Variants in DLGAP4 observed in about 807,000 individuals in gnomAD.
DLGAP4 encodes the protein disks large-associated protein 4.
A neutral mutation model predicts 86.9 loss-of-function variants in DLGAP4; 18 were observed. The observed-to-expected ratio is 0.21, with a 90% confidence interval of 0.14 to 0.31. The LOEUF is 0.31. Among genes scored for constraint, DLGAP4 ranks in the 10% least tolerant of loss-of-function variants. The pLI, the probability that DLGAP4 is intolerant of heterozygous loss-of-function variation, is 1.00. For missense variants in DLGAP4, 1,085 were observed against 1,362.6 expected (o/e 0.80, Z 3.21); for synonymous variants, 548 against 574.3 (o/e 0.95, Z 0.65).
chr20:36,336,084 C>G (rs2065318924), intron 1 of DLGAP4, among the ~76,000 whole-genome samples: 1 of 152,184 alleles, frequency 6.6e-6, no homozygotes, highest in Non-Finnish European at 1.5e-5. Context: ...CAGTCCATGC[C>G]CATGGAACAC....
intron 1 of DLGAP4, among the ~76,000 whole-genome samples, chr20:36,322,790 C>T (rs1305966447): frequency 3.9e-5 from 6 of 152,088 alleles, no homozygotes; most frequent in African/African-American, 1.2e-4. Context: ...TAGTATAGCA[C>T]GTGTTGTAGA....
intron 7 of DLGAP4, among the ~76,000 whole-genome samples, chr20:36,449,358 A>G (rs1478776650): frequency 6.6e-6 from 1 of 152,160 alleles, no homozygotes; most frequent in Non-Finnish European, 1.5e-5. Context: ...CACTTAATGT[A>G]TTTGAAAACA....
chr20:36,525,216 C>CAAAAAAAAAAAAAAAAAAAAAAAAA lies in DLGAP4; in HGVS notation c.2605-621_2605-597dup, dbSNP rs1159616185. Among the ~76,000 whole-genome samples the CAAAAAAAAAAAAAAAAAAAAAAAAA allele has an allele frequency of 2.5e-4, 7 of 28,506 alleles. 2 individuals carry two copies. The highest frequency in any genetic ancestry group is 3.1e-4 in the African/African-American group (3 of 9,750). The allele number at this position is 28,506 out of a possible 152,430, so 18.7% of individuals were successfully genotyped here. A position where few individuals can be genotyped will look rare whatever the true frequency, so the allele number is the denominator to read the frequency against. ...TGGGTGACAGAGCGAGACTCCGTCT[C>CAAAAAAAAAAAAAAAAAAAAAAAAA]AAAAAAAAAAAAAAAAAAAAAAAAA... On this transcript the variant is annotated intron_variant, in intron 11 of 12. Transcript: ENST00000339266.
chr20:36,499,557 C>T (rs747248752), intron 8 of DLGAP4, 31 bp from the exon 9 acceptor site: 5 of 1,604,712 alleles, frequency 3.1e-6, no homozygotes, highest in Non-Finnish European at 3.4e-6. Context: ...TCTTTGTCTC[C>T]GTGCCGTTGC....
chr20:36,428,855 C>T (rs1180818029), intron 2 of DLGAP4, among the ~76,000 whole-genome samples: 1 of 152,162 alleles, frequency 6.6e-6, no homozygotes, highest in East Asian at 1.9e-4. Flanking sequence ...AGACACAGTC[C>T]CACTTTGTTG....
intron 10 of DLGAP4, among the ~76,000 whole-genome samples, chr20:36,522,380 G>C (rs1423839373): frequency 6.6e-6 from 1 of 152,050 alleles, no homozygotes; most frequent in African/African-American, 2.4e-5. Context: ...GGCTGGTCTT[G>C]AACTCCTGGG....
intron 2 of DLGAP4, among the ~76,000 whole-genome samples, chr20:36,372,073 G>A (rs2147425132): frequency 6.6e-6 from 1 of 152,298 alleles, no homozygotes; most frequent in Middle Eastern, 3.4e-3. Flanking sequence ...TGTGACCTTG[G>A]GCAAGTCACT....
chr20:36,328,923 G>A (rs1274712173), intron 1 of DLGAP4, among the ~76,000 whole-genome samples: 2 of 152,096 alleles, frequency 1.3e-5, no homozygotes, highest in African/African-American at 4.8e-5. Flanking sequence ...CTACAGGCAT[G>A]CGCCACCATA....
intron 4 of DLGAP4, among the ~76,000 whole-genome samples, 153 bp downstream of exon 4, chr20:36,436,503 T>C (rs1042026112): frequency 1.3e-5 from 2 of 151,814 alleles, no homozygotes; most frequent in East Asian, 2.0e-4. Context: ...GAGTCCTGCT[T>C]CTTGAGAGAA....
At chr20:36,434,979 G>A (rs930923544) in intron 3 of DLGAP4, among the ~76,000 whole-genome samples, 2 of 152,104 alleles carry the variant, frequency 1.3e-5, no homozygotes, top group Admixed American at 6.5e-5. Flanking sequence ...GTAGATACAC[G>A]TTGAGATGTG....
chr20:36,427,850 C>T (rs1400017437), intron 2 of DLGAP4, among the ~76,000 whole-genome samples: 6 of 149,786 alleles, frequency 4.0e-5, no homozygotes, highest in South Asian at 2.1e-4. Context: ...GGCTGAGGCA[C>T]GAGAATCGCT....
intron 2 of DLGAP4, among the ~76,000 whole-genome samples, chr20:36,391,060 C>T (rs1012135145): frequency 6.6e-6 from 1 of 152,166 alleles, no homozygotes; most frequent in Non-Finnish European, 1.5e-5. Context: ...ATAGTTGGGA[C>T]TCCTTCTCCC....
intron 1 of DLGAP4, among the ~76,000 whole-genome samples, chr20:36,315,439 C>T (rs1485075802): frequency 1.6e-3 from 1 of 626 alleles, no homozygotes; most frequent in Non-Finnish European, 3.1e-3. Context: ...AGGCTGGCTG[C>T]GTGGGCTTCA....
rs1228985138 is a variant in DLGAP4 at position 36,494,165 on chromosome 20, C to A, written c.1649-2540C>A. ...GAGTTTTCTCAAGGCCTGAGCAGGACTGGGACATTTCAAACAGACGAGTAG... is the reference window on the plus strand; with the variant it reads ...GAGTTTTCTCAAGGCCTGAGCAGGAATGGGACATTTCAAACAGACGAGTAG... On this transcript the variant is annotated intron_variant, in intron 7 of 12. Coordinates refer to ENST00000339266, the MANE Select transcript of DLGAP4 (RefSeq NM_001365621.2). 2.0e-5 allele frequency among the ~76,000 whole-genome samples: 3 copies of A among 152,302 alleles called. No homozygotes were observed. The East Asian group carries it at 5.8e-4, about 29-fold the overall frequency.
chr20:36,335,766 C>T (rs1456699083), intron 1 of DLGAP4, among the ~76,000 whole-genome samples: 2 of 152,182 alleles, frequency 1.3e-5, no homozygotes, highest in Admixed American at 6.5e-5. Flanking sequence ...ACCTGGACAT[C>T]CTTTTTGACC....
intron 2 of DLGAP4, among the ~76,000 whole-genome samples, chr20:36,390,406 C>T (rs1453365668): frequency 6.6e-6 from 1 of 152,196 alleles, no homozygotes; most frequent in Non-Finnish European, 1.5e-5. Flanking sequence ...CCTTCTGCCT[C>T]TCTGACCAAA....
chr20:36,476,540 G>T (rs1201361292), intron 7 of DLGAP4, among the ~76,000 whole-genome samples: 1 of 150,970 alleles, frequency 6.6e-6, no homozygotes, highest in African/African-American at 2.4e-5. Context: ...TGTTGGTCAG[G>T]CTGGTCTCAA....
In DLGAP4 at chr20:36,335,654, T is replaced by A. The variant is rs544619564; in HGVS notation, c.-304+29142T>A. On this transcript the variant is annotated intron_variant, in intron 1 of 12. Transcript: ENST00000339266. ...CAGATGTTGCTGCCTTCTCCTCCCC[T>A]TCTTCCTCCCTCTTGTTCCCGAACG... Among the ~76,000 whole-genome samples, 7 of 152,316 alleles carry A rather than the reference T, an allele frequency of 4.6e-5. No individual in the cohort carries two copies. In the East Asian group the frequency reaches 1.3e-3, roughly 29 times the overall value.
At chr20:36,408,443 G>C (rs116619411) in intron 2 of DLGAP4, among the ~76,000 whole-genome samples, 1 of 152,182 alleles carries the variant, frequency 6.6e-6, no homozygotes, top group Admixed American at 6.5e-5. Context: ...GGCTGCTTCC[G>C]CGGGCATCAT....
Sources: gnomAD v4.1 joint callset for allele counts (sites outside exome capture counted in the v4.1 genomes callset) on GRCh38, gnomAD v4.1.1 for gene constraint, MANE v1.5 for transcripts, NCBI Gene and HGNC (gene_info 2026-07-23, HGNC 2026-07-21) for gene names.